The following BCAP29 variants were observed in gnomAD, a reference collection of about 807,000 sequenced individuals.
BCAP29 encodes B cell receptor associated protein 29, also known as B-cell receptor-associated protein 29.
In BCAP29, 34 loss-of-function variants were observed where a neutral mutation model predicts 31.8. The ratio of observed to expected loss-of-function variants is 1.07; its 90% confidence interval spans 0.81 to 1.42. The LOEUF (loss-of-function observed/expected upper bound fraction) is 1.42, where lower values mean the gene tolerates loss of function less well. BCAP29 is among the 40% of genes most tolerant of loss of function. The pLI is 0.00. For missense variants in BCAP29, 314 were observed against 269.2 expected, an observed-to-expected ratio of 1.17 and a Z score of -1.16; for synonymous variants, 104 against 91.3, an observed-to-expected ratio of 1.14 and a Z score of -0.79.
At chr7:107,596,505 A>G (rs1410356145) in intron 5 of BCAP29, among the ~76,000 whole-genome samples, 2 of 152,158 alleles carry the variant, frequency 1.3e-5, no homozygotes, top group Non-Finnish European at 2.9e-5. Context: ...TTTATTTTCT[A>G]TCTTTTGATC....
chr7:107,610,727 A>G (rs1812967920), intron 6 of BCAP29, among the ~76,000 whole-genome samples: 1 of 152,234 alleles, frequency 6.6e-6, no homozygotes, highest in African/African-American at 2.4e-5. Flanking sequence ...TTATACCAGT[A>G]GTAACCAGAA....
chr7:107,599,175 A>G (rs1380679624), intron 5 of BCAP29, among the ~76,000 whole-genome samples: 1 of 129,380 alleles, frequency 7.7e-6, no homozygotes, highest in Non-Finnish European at 1.6e-5. Context: ...ATATAAATAT[A>G]TTAAAATTTA....
intron 3 of BCAP29, 35 bp downstream of exon 3, chr7:107,584,017 CT>C (rs780341559): frequency 1.6e-6 from 2 of 1,215,224 alleles, no homozygotes; most frequent in East Asian, 2.6e-5. Context: ...ATAAATATAA[CT>C]TTTTTTAAAT....
At chr7:107,582,089 A>G (rs1243153663) in intron 2 of BCAP29, among the ~76,000 whole-genome samples, 2 of 152,204 alleles carry the variant, frequency 1.3e-5, no homozygotes, top group Non-Finnish European at 2.9e-5. Context: ...CTTTTTGGTA[A>G]TATTTGCAAT....
intron 5 of BCAP29, among the ~76,000 whole-genome samples, chr7:107,597,898 A>G (rs894491095): frequency 6.6e-6 from 1 of 152,228 alleles, no homozygotes; most frequent in Non-Finnish European, 1.5e-5. Flanking sequence ...CTTCAGTGTG[A>G]TAGAGCTTTA....
At chr7:107,582,256 C>T (rs1394260562) in intron 2 of BCAP29, among the ~76,000 whole-genome samples, 1 of 151,968 alleles carries the variant, frequency 6.6e-6, no homozygotes, top group African/African-American at 2.4e-5. Flanking sequence ...TTTCTTCCTG[C>T]CAAATAAAAA....
chr7:107,600,149 C>T (rs1810892937), intron 5 of BCAP29: 2 of 477,608 alleles, frequency 4.2e-6, no homozygotes, highest in Non-Finnish European at 3.8e-6. Flanking sequence ...TTATTTTAAT[C>T]ACAGCAACTA....
At chr7:107,615,608 A>C in intron 7 of BCAP29, 2 of 239,806 alleles carry the variant, frequency 8.3e-6, no homozygotes, top group Non-Finnish European at 1.7e-5. Flanking sequence ...AAAAAAAAAA[A>C]GTGATTCCTT....
intron 5 of BCAP29, 31 bp downstream of exon 5, chr7:107,596,033 T>A (rs184507605): frequency 2.0e-6 from 3 of 1,533,996 alleles, no homozygotes; most frequent in Non-Finnish European, 2.6e-6. Flanking sequence ...AAATTAAATG[T>A]TGTTGGTGTT....
intron 6 of BCAP29, among the ~76,000 whole-genome samples, chr7:107,606,807 A>G (rs1812183129): frequency 6.6e-6 from 1 of 152,248 alleles, no homozygotes; most frequent in Non-Finnish European, 1.5e-5. Flanking sequence ...AGGGAAATAA[A>G]AAATGGGACT....
intron 7 of BCAP29, 184 bp downstream of exon 7, chr7:107,613,616 A>G (rs1305546745): frequency 6.4e-7 from 1 of 1,563,324 alleles, no homozygotes; most frequent in East Asian, 2.2e-5. Context: ...GGAAAATACA[A>G]GATAATTTTA....
intron 6 of BCAP29, among the ~76,000 whole-genome samples, chr7:107,612,058 A>G (rs950189643): frequency 6.6e-6 from 1 of 152,172 alleles, no homozygotes; most frequent in African/African-American, 2.4e-5. Flanking sequence ...ATATTTATAT[A>G]AAAATGCCTA....
intron 3 of BCAP29, among the ~76,000 whole-genome samples, chr7:107,592,676 A>T (rs1330473444): frequency 6.6e-6 from 1 of 152,254 alleles, no homozygotes; most frequent in Non-Finnish European, 1.5e-5. Context: ...AGGTGGAAAC[A>T]GCTCAATGCC....
rs1813634577 is a variant in BCAP29 at position 107,613,684 on chromosome 7, A to G, written c.690+252A>G. 3 of 1,605,708 alleles carry G rather than the reference A, an allele frequency of 1.9e-6. No homozygotes were observed. In the African/African-American group the frequency reaches 4.3e-5, roughly 23 times the overall value. On this transcript the variant is annotated intron_variant, in intron 7 of 7. Transcript: ENST00000005259. Reference sequence around the variant, plus strand: ...CAGTTTTGGTGAATTTTTAAGCAAAAGAAGCCACAAAAATGGCAGCATTGG... The same window carrying G: ...CAGTTTTGGTGAATTTTTAAGCAAAGGAAGCCACAAAAATGGCAGCATTGG...
chr7:107,603,457 T>G (rs200082646), intron 6 of BCAP29: 1 of 9,708 alleles, frequency 1.0e-4, no homozygotes, highest in Non-Finnish European at 1.7e-4. Flanking sequence ...TTCTTAGGGC[T>G]TGCCAATCTT....
intron 2 of BCAP29, among the ~76,000 whole-genome samples, chr7:107,583,287 T>G (rs1168902584): frequency 6.6e-6 from 1 of 151,896 alleles, no homozygotes; most frequent in Non-Finnish European, 1.5e-5. Flanking sequence ...TTATCTGTAG[T>G]AATTACATGG....
At chr7:107,599,169 A>G in intron 5 of BCAP29, among the ~76,000 whole-genome samples, 1 of 116,798 alleles carries the variant, frequency 8.6e-6, no homozygotes, top group Admixed American at 1.1e-4. Flanking sequence ...ATAAATATAT[A>G]AATATATTAA....
chr7:107,596,260 T>C (rs1004688898), intron 5 of BCAP29, among the ~76,000 whole-genome samples: 4 of 152,204 alleles, frequency 2.6e-5, no homozygotes, highest in Admixed American at 6.5e-5. Context: ...TTTTCTGTGA[T>C]TTAAGGAGAA....
At chr7:107,608,966 A>G (rs1383335590) in intron 6 of BCAP29, among the ~76,000 whole-genome samples, 1 of 152,224 alleles carries the variant, frequency 6.6e-6, no homozygotes, top group African/African-American at 2.4e-5. Flanking sequence ...TCAGACAGAT[A>G]AGACACAGCT....
Sources: gnomAD v4.1 joint callset for allele counts (sites outside exome capture counted in the v4.1 genomes callset) on GRCh38, gnomAD v4.1.1 for gene constraint, MANE v1.5 for transcripts, NCBI Gene and HGNC (gene_info 2026-07-23, HGNC 2026-07-21) for gene names.